GALNT16: variants seen among roughly 807,000 people sequenced by gnomAD.
The protein encoded by GALNT16 is UDP-GalNAc:polypeptide N-acetylgalactosaminyltransferase-like protein 1.
A neutral mutation model predicts 76.1 loss-of-function variants in GALNT16; 40 were observed. That is an observed-to-expected ratio of 0.53 (90% CI 0.41 to 0.68). GALNT16 has a LOEUF of 0.68. Ranked by LOEUF, GALNT16 falls within the 30% of genes least tolerant of loss-of-function variation. The pLI is 0.00. For missense variants in GALNT16, 621 were observed against 731.9 expected (o/e 0.85, Z 1.75); for synonymous variants, 276 against 285.2 (o/e 0.97, Z 0.32).
intron 2 of GALNT16, among the ~76,000 whole-genome samples, chr14:69,323,102 C>G: frequency 6.6e-6 from 1 of 152,140 alleles, no homozygotes. Context: ...TTCCTTGCAG[C>G]CCTGCAGGCT....
the GALNT16 span, among the ~76,000 whole-genome samples, chr14:69,372,102 G>A: frequency 6.6e-6 from 1 of 152,146 alleles, no homozygotes; most frequent in Non-Finnish European, 1.5e-5. Flanking sequence ...TTATGGATGA[G>A]CAGGATGAGT....
In GALNT16 at chr14:69,352,903, C is replaced by G. The variant is rs2045656584; in HGVS notation, c.*735C>G. ...GAGCCCGACGCTGCCTCTTCCGGTC[C>G]TGTGCCTGTGGGTGCCCACATTCTT... On this transcript the variant is annotated 3_prime_UTR_variant, in exon 15 of 15. Coordinates refer to ENST00000448469, the MANE Select transcript of GALNT16 (RefSeq NM_001168368.2). Among the ~76,000 whole-genome samples, 2 of 152,234 alleles carry G rather than the reference C, an allele frequency of 1.3e-5. No individual in the cohort carries two copies. Among genetic ancestry groups the G allele is most frequent in the South Asian group, 4.1e-4 (2 of 4,834 alleles).
chr14:69,275,140 G>A (rs920185807), intron 1 of GALNT16, among the ~76,000 whole-genome samples: 1 of 152,220 alleles, frequency 6.6e-6, no homozygotes, highest in African/African-American at 2.4e-5. Flanking sequence ...AGGTGCCATA[G>A]CTGTGGGAAG....
chr14:69,377,790 G>T, the GALNT16 span, among the ~76,000 whole-genome samples: 6 of 102,386 alleles, frequency 5.9e-5, no homozygotes, highest in Non-Finnish European at 8.8e-5. Flanking sequence ...CTGGGTGATA[G>T]AGTGAGACTG....
At chr14:69,286,174 C>T (rs996805281) in intron 1 of GALNT16, among the ~76,000 whole-genome samples, 8 of 152,020 alleles carry the variant, frequency 5.3e-5, no homozygotes, top group Admixed American at 2.0e-4. Context: ...GTAGGGCACG[C>T]GGGACAAGGG....
the GALNT16 span, among the ~76,000 whole-genome samples, chr14:69,385,606 C>A: frequency 0.14 from 20,398 of 151,028 alleles, 1,451 homozygotes; most frequent in East Asian, 0.18. Context: ...AGCTACAACC[C>A]CATTTTTCTG....
rs56322115 is a variant in GALNT16, at chr14:69,286,949, C to A, written c.177+26482C>A. The stretch of plus-strand genomic sequence containing the variant: ...GACTGGCATCTCCACACAATTTGCC[C>A]TCTTTCCAGTCAAAAACACAGGACC... On this transcript the variant is annotated intron_variant, in intron 1 of 14. Coordinates refer to ENST00000448469, the MANE Select transcript of GALNT16 (RefSeq NM_001168368.2). Among the ~76,000 whole-genome samples the A allele has an allele frequency of 6.9e-3, 1,055 of 152,290 alleles. 9 individuals carry two copies. The highest frequency in any genetic ancestry group is 0.011 in the Non-Finnish European group (745 of 68,022).
chr14:69,331,563 T>A lies in GALNT16; in HGVS notation c.778+12T>A. On this transcript the variant is annotated intron_variant, in intron 7 of 14. Transcript: ENST00000448469. Reference sequence around the variant, plus strand: ...TGACCTTCGTGGAGGTGAGTTCTGCTCCCGGGGGTGGGGCTGTAGACATGA... The same window carrying A: ...TGACCTTCGTGGAGGTGAGTTCTGCACCCGGGGGTGGGGCTGTAGACATGA... The A allele has an allele frequency of 6.6e-7, 1 of 1,519,878 alleles. No individual in the cohort carries two copies. Among genetic ancestry groups the A allele is most frequent in the Non-Finnish European group, 9.1e-7 (1 of 1,094,180 alleles). The allele number at this position is 1,519,878 out of a possible 1,614,324, so 94.1% of individuals were successfully genotyped here.
chr14:69,295,967 G>A (rs550562715), intron 1 of GALNT16, among the ~76,000 whole-genome samples: 2 of 152,088 alleles, frequency 1.3e-5, no homozygotes, highest in South Asian at 2.1e-4. Context: ...TATGCATATC[G>A]TTATCAGTCC....
chr14:69,352,060 G>A lies in GALNT16; in HGVS notation c.1569G>A (p.Gln523=). Residue 523 remains glutamine (Q), a synonymous_variant, in exon 15 of 15, where the codon CAG becomes CAA. Transcript: ENST00000448469. ...QKWRRKGSFI[Q]HSVSGLCLET... ...GGAGGAGAAAAGGATCTTTCATCCA[G>A]CATTCAGTCAGTGGCCTCTGCCTGG... The A allele has an allele frequency of 6.2e-7, 1 of 1,613,800 alleles. No individual in the cohort carries two copies. The highest frequency in any genetic ancestry group is 8.5e-7 in the Non-Finnish European group (1 of 1,179,726).
chr14:69,376,289 T>C, the GALNT16 span, among the ~76,000 whole-genome samples: 1 of 152,184 alleles, frequency 6.6e-6, no homozygotes, highest in South Asian at 2.1e-4. Flanking sequence ...TTTAACACTT[T>C]TGGAGGCTTC....
At chr14:69,336,013 A>G (rs568264649) in intron 9 of GALNT16, among the ~76,000 whole-genome samples, 1 of 152,266 alleles carries the variant, frequency 6.6e-6, no homozygotes, top group Non-Finnish European at 1.5e-5. Context: ...CAAACTCCTT[A>G]CTGGCTACAG....
the GALNT16 span, among the ~76,000 whole-genome samples, chr14:69,368,069 A>C: frequency 1.3e-5 from 2 of 152,186 alleles, no homozygotes; most frequent in African/African-American, 4.8e-5. Context: ...ATTATGAAAA[A>C]CGTCCTCTTC....
At chr14:69,296,728 TG>T (rs2044766206) in intron 1 of GALNT16, among the ~76,000 whole-genome samples, 7 of 142,058 alleles carry the variant, frequency 4.9e-5, no homozygotes, top group Admixed American at 4.2e-4. Flanking sequence ...GACAGATAGA[TG>T]ATAGATAGAT....
intron 1 of GALNT16, among the ~76,000 whole-genome samples, chr14:69,290,689 G>A (rs373231144): frequency 2.6e-5 from 4 of 152,200 alleles, no homozygotes; most frequent in African/African-American, 4.8e-5. Flanking sequence ...AAAATAACTC[G>A]TGTGCTTCAC....
chr14:69,306,261 G>A (rs746304432), intron 1 of GALNT16, among the ~76,000 whole-genome samples: 4 of 152,110 alleles, frequency 2.6e-5, no homozygotes, highest in African/African-American at 4.8e-5. Context: ...ATAACTTACT[G>A]AGCCAATTTC....
intron 1 of GALNT16, among the ~76,000 whole-genome samples, chr14:69,297,700 T>A (rs1334638116): frequency 3.3e-5 from 5 of 152,062 alleles, no homozygotes; most frequent in African/African-American, 9.7e-5. Flanking sequence ...AACATTTTTT[T>A]AAAAACAAAA....
chr14:69,316,776 AGG>A (rs1181538070), intron 1 of GALNT16, among the ~76,000 whole-genome samples: 1 of 67,924 alleles, frequency 1.5e-5, no homozygotes, highest in Non-Finnish European at 3.1e-5. Context: ...GTAGTCTGTG[AGG>A]GGGGGGGGCA....
intron 1 of GALNT16, among the ~76,000 whole-genome samples, chr14:69,317,429 C>T (rs1161948107): frequency 1.3e-5 from 2 of 152,208 alleles, no homozygotes; most frequent in Non-Finnish European, 2.9e-5. Flanking sequence ...CTTTCTGATC[C>T]TCCATGGCCA....
Sources: gnomAD v4.1 joint callset for allele counts (sites outside exome capture counted in the v4.1 genomes callset) on GRCh38, gnomAD v4.1.1 for gene constraint, MANE v1.5 for transcripts, NCBI Gene and HGNC (gene_info 2026-07-23, HGNC 2026-07-21) for gene names.